EVX2: variants seen among roughly 807,000 people sequenced by gnomAD.
The protein encoded by EVX2 is even-skipped homeobox 2, also known as homeobox even-skipped homolog protein 2.
EVX2 carries 10 observed loss-of-function variants against 19.2 expected under a neutral mutation model. The observed-to-expected ratio is 0.52, with a 90% CI of 0.32 to 0.89. The LOEUF (loss-of-function observed/expected upper bound fraction) is 0.89, where lower values mean the gene tolerates loss of function less well. EVX2 is among the 40% of genes least tolerant of loss of function. EVX2 has a pLI of 0.03. For missense variants in EVX2, 710 were observed against 694.9 expected (o/e 1.02, Z -0.24); for synonymous variants, 354 against 328.4 (o/e 1.08, Z -0.84).
At position 176,079,407 on chromosome 2, in the gene EVX2, G is replaced by C. The variant is rs377458816; in HGVS notation, c.*700C>G. 6.6e-6 allele frequency: 1 copy of C among 152,224 alleles called. No homozygotes were observed. The highest frequency in any genetic ancestry group is 2.1e-4 in the South Asian group (1 of 4,832). 9.4% of individuals were successfully genotyped at this position (152,224 alleles called of 1,614,324 possible). On this transcript the variant is annotated 3_prime_UTR_variant, in exon 3 of 3. Transcript: ENST00000308618. This position sits in a 1 kb window ranked among gnomAD's most constrained non-coding sequence, Gnocchi z 4.4. ...CCACCCCTTCCAGCACCTCGGCTTT[G>C]TCCTTCCCGGGGAAGGCGGCCACAT... is the stretch of plus-strand genomic sequence containing the variant.
chr2:176,080,377 GC>G lies in EVX2; in HGVS notation c.1160del (p.Cys387SerfsTer77). ...GAPPSGGSAP[C>X]SCLSCHSSQS... ...GACTGCTGTGGCAACTGAGGCACGA[GC>G]AGGGTGCAGAGCCGCCGCTGGGGGG... On this transcript the variant is annotated frameshift_variant, in exon 3 of 3. Transcript: ENST00000308618. LOFTEE classifies it high-confidence loss of function. This position sits in a 1 kb window ranked among gnomAD's most constrained non-coding sequence, Gnocchi z 7.0. 1 of 1,211,958 alleles carries G rather than the reference GC, an allele frequency of 8.3e-7. No individual in the cohort carries two copies. The highest frequency in any genetic ancestry group is 1.6e-5 in the African/African-American group (1 of 61,566). 75.1% of individuals were successfully genotyped at this position (1,211,958 alleles called of 1,614,324 possible). A position where few individuals can be genotyped will look rare whatever the true frequency, so the allele number is the denominator to read the frequency against.
chr2:176,083,904 G>A lies in EVX2; in HGVS notation c.-128C>T. 1 of 842,736 alleles carries A rather than the reference G, an allele frequency of 1.2e-6. No homozygotes were observed. The highest frequency in any genetic ancestry group is 1.8e-6 in the Non-Finnish European group (1 of 548,994). 52.2% of individuals were successfully genotyped at this position (842,736 alleles called of 1,614,324 possible). Reference sequence around the variant, plus strand: ...ATTATTATCGCTTTCGGAGGGAGGCGGAAAAATTGTGGGATGCCAGAGCGA... The same window carrying A: ...ATTATTATCGCTTTCGGAGGGAGGCAGAAAAATTGTGGGATGCCAGAGCGA... On this transcript the variant is annotated 5_prime_UTR_variant, in exon 1 of 3. Transcript: ENST00000308618. The surrounding 1 kb of genome is among the most constrained non-coding windows in gnomAD (Gnocchi z 4.4).
chr2:176,082,508 G>A lies in EVX2; in HGVS notation c.428-59C>T, dbSNP rs1689163976. 23 of 1,487,238 alleles carry A rather than the reference G, an allele frequency of 1.5e-5. No individual in the cohort carries two copies. The South Asian group carries it at 3.2e-4, about 20-fold the overall frequency. 92.1% of individuals were successfully genotyped at this position (1,487,238 alleles called of 1,614,324 possible). A position where few individuals can be genotyped will look rare whatever the true frequency, so the allele number is the denominator to read the frequency against. On this transcript the variant is annotated intron_variant, in intron 1 of 2. Transcript: ENST00000308618. This position sits in a 1 kb window ranked among gnomAD's most constrained non-coding sequence, Gnocchi z 5.2. ...CTGTAGGACCAACAGCCCGGCGCTG[G>A]CGCTGCGCGCGGATCGGGGAAGCCC...
In EVX2 at chr2:176,077,903, T is replaced by C. The variant is rs1484419532; in HGVS notation, c.*2204A>G. On this transcript the variant is annotated 3_prime_UTR_variant, in exon 3 of 3. Coordinates refer to ENST00000308618, the MANE Select transcript of EVX2 (RefSeq NM_001080458.2). ...TAAACTCAGTGAATAAGAGCTGGTA[T>C]AATCAATATTTTACATAAGTAGTCT... 1 of 152,140 alleles carries C rather than the reference T, an allele frequency of 6.6e-6. No homozygotes were observed. The highest frequency in any genetic ancestry group is 1.5e-5 in the Non-Finnish European group (1 of 67,996). 9.4% of individuals were successfully genotyped at this position (152,140 alleles called of 1,614,324 possible).
In EVX2 at chr2:176,080,765, G is replaced by C. The variant is rs1170218932; in HGVS notation, c.773C>G (p.Pro258Arg). ...LAMSWPHPADPSFYTYMMTHA... is the reference protein window; with the variant it reads ...LAMSWPHPADRSFYTYMMTHA... The stretch of plus-strand genomic sequence containing the variant: ...CGTCATCATGTAGGTGTAGAAGCTG[G>C]GGTCGGCTGGGTGCGGCCAGGACAT... The change falls in exon 3 of 3, where the codon CCC (proline) becomes CGC (arginine). Residue 258 changes from proline (P) to arginine (R), a missense_variant. Pro to Arg is a moderately radical substitution (Grantham distance 103). Transcript: ENST00000308618. This position sits in a 1 kb window ranked among gnomAD's most constrained non-coding sequence, Gnocchi z 7.0. 1.2e-6 allele frequency: 2 copies of C among 1,611,478 alleles called. No individual in the cohort carries two copies. The highest frequency in any genetic ancestry group is 1.3e-5 in the African/African-American group (1 of 74,844).
chr2:176,080,804 C>T lies in EVX2; in HGVS notation c.734G>A (p.Arg245Gln). The change falls in exon 3 of 3, where the codon CGG becomes CAG. Residue 245 changes from arginine to glutamine, a missense_variant. Arg to Gln is a conservative substitution (Grantham distance 43). Coordinates refer to ENST00000308618, the MANE Select transcript of EVX2 (RefSeq NM_001080458.2). The surrounding 1 kb of genome is among the most constrained non-coding windows in gnomAD (Gnocchi z 7.0). ...WFQNRRMKDK[R>Q]QRLAMSWPHP... is the part of the protein sequence containing the mutation. ...CGGCCAGGACATGGCCAGGCGCTGC[C>T]GCTTGTCCTTCATGCGCCGGTTCTG... The T allele has an allele frequency of 6.2e-7, 1 of 1,612,328 alleles. No homozygotes were observed. Among genetic ancestry groups the T allele is most frequent in the Non-Finnish European group, 8.5e-7 (1 of 1,179,694 alleles).
Position 176,080,940 on chromosome 2 carries a change from C to A in EVX2, c.700-102G>T. The A allele has an allele frequency of 2.1e-6, 3 of 1,402,784 alleles. No individual in the cohort carries two copies. The highest frequency in any genetic ancestry group is 2.8e-6 in the Non-Finnish European group (3 of 1,060,914). The allele number at this position is 1,402,784 out of a possible 1,614,324, so 86.9% of individuals were successfully genotyped here. A position where few individuals can be genotyped will look rare whatever the true frequency, so the allele number is the denominator to read the frequency against. On this transcript the variant is annotated intron_variant, in intron 2 of 2. Transcript: ENST00000308618. This position sits in a 1 kb window ranked among gnomAD's most constrained non-coding sequence, Gnocchi z 7.0. The stretch of plus-strand genomic sequence containing the variant: ...CTTCCGGACCTCTGAATGGCTTGGT[C>A]TACTTCTCTCCGACCAAGCCCAACC...
At position 176,081,980 on chromosome 2, in the gene EVX2, C is replaced by T. The variant is rs535583340; in HGVS notation, c.699+198G>A. On this transcript the variant is annotated intron_variant, in intron 2 of 2. Coordinates refer to ENST00000308618, the MANE Select transcript of EVX2 (RefSeq NM_001080458.2). This position sits in a 1 kb window ranked among gnomAD's most constrained non-coding sequence, Gnocchi z 5.9. Reference sequence around the variant, plus strand: ...ATTGGAGTCACCATTCGGGGGCCTTCTTAGATCCGTCAGGCCGGACAACCG... The same window carrying T: ...ATTGGAGTCACCATTCGGGGGCCTTTTTAGATCCGTCAGGCCGGACAACCG... Among the ~76,000 whole-genome samples the T allele has an allele frequency of 2.0e-5, 3 of 152,310 alleles. No individual in the cohort carries two copies. The highest frequency in any genetic ancestry group is 7.2e-5 in the African/African-American group (3 of 41,572).
In EVX2 at chr2:176,082,431, G is replaced by A. The variant is rs1285501467; in HGVS notation, c.446C>T (p.Ser149Leu). The A allele has an allele frequency of 3.2e-6, 5 of 1,573,296 alleles. No homozygotes were observed. The highest frequency in any genetic ancestry group is 4.3e-6 in the Non-Finnish European group (5 of 1,162,536). ...CGCCGACGTCGTGGTGCCGGCAGCCGAGCCGCTCTCTGCGTACCCTGGCAA... is the reference window on the plus strand; with the variant it reads ...CGCCGACGTCGTGGTGCCGGCAGCCAAGCCGCTCTCTGCGTACCCTGGCAA... The part of the protein sequence containing the change: ...NNGKGYAESG[S>L]AAGTTTSASG... The change falls in exon 2 of 3, where the codon TCG becomes TTG. Residue 149 changes from serine to leucine, a missense_variant. Ser to Leu is a moderately radical substitution (Grantham distance 145). Transcript: ENST00000308618. This position sits in a 1 kb window ranked among gnomAD's most constrained non-coding sequence, Gnocchi z 5.2.
chr2:176,080,398 G>T lies in EVX2; in HGVS notation c.1140C>A (p.Pro380=), dbSNP rs1170860279. 1.6e-5 allele frequency: 18 copies of T among 1,091,800 alleles called. No individual in the cohort carries two copies. In the African/African-American group the frequency reaches 2.9e-4, roughly 18 times the overall value. 67.6% of individuals were successfully genotyped at this position (1,091,800 alleles called of 1,614,324 possible). ...ASSAAAAGAP[P]SGGSAPCSCL... ...ACGAGCAGGGTGCAGAGCCGCCGCT[G>T]GGGGGCGCGCCGGCCGCCGCCGCCG... is the stretch of plus-strand genomic sequence containing the variant. Residue 380 remains proline (P), a synonymous_variant, in exon 3 of 3, where the codon CCC becomes CCA. Transcript: ENST00000308618. This position sits in a 1 kb window ranked among gnomAD's most constrained non-coding sequence, Gnocchi z 7.0.
chr2:176,083,393 G>A lies in EVX2; in HGVS notation c.384C>T (p.Pro128=). The change falls in exon 1 of 3, where the codon CCC becomes CCT. Residue 128 remains proline (P), a synonymous_variant. Coordinates refer to ENST00000308618, the MANE Select transcript of EVX2 (RefSeq NM_001080458.2). This position sits in a 1 kb window ranked among gnomAD's most constrained non-coding sequence, Gnocchi z 4.4. ...TAAGCTGAGCGGCGCCGAGGCCCCC[G>A]GGGGAGCGAAGCGCGGAGCAGCCCA... ...VEVGCSALRS[P]GGLGAAQLKE... The A allele has an allele frequency of 1.2e-6, 2 of 1,611,480 alleles. No homozygotes were observed. Among genetic ancestry groups the A allele is most frequent in the Non-Finnish European group, 1.7e-6 (2 of 1,178,724 alleles).
chr2:176,082,302 C>A lies in EVX2; in HGVS notation c.575G>T (p.Arg192Leu). 6.3e-7 allele frequency: 1 copy of A among 1,599,380 alleles called. No individual in the cohort carries two copies. ...GSGADQVRRY[R>L]TAFTREQIAR... ...GATCTGCTCGCGGGTGAACGCCGTACGGTAGCGCCGCACTTGATCCGCGCC... is the reference window on the plus strand; with the variant it reads ...GATCTGCTCGCGGGTGAACGCCGTAAGGTAGCGCCGCACTTGATCCGCGCC... The change falls in exon 2 of 3, where the codon CGT becomes CTT. Residue 192 changes from arginine to leucine, a missense_variant. Transcript: ENST00000308618. The surrounding 1 kb of genome is among the most constrained non-coding windows in gnomAD (Gnocchi z 5.2).
At position 176,080,263 on chromosome 2, in the gene EVX2, G is replaced by GCCGCCGCCACCACCA; in HGVS notation, c.1260_1274dup (p.Gly424_Gly428dup). 7.6e-7 allele frequency: 1 copy of GCCGCCGCCACCACCA among 1,313,384 alleles called. No homozygotes were observed. The highest frequency in any genetic ancestry group is 9.7e-7 in the Non-Finnish European group (1 of 1,033,152). The allele number at this position is 1,313,384 out of a possible 1,614,324, so 81.4% of individuals were successfully genotyped here. ...CTCCCCCGGCCCCGGCGCCCCCGCC[G>GCCGCCGCCACCACCA]CCGCCGCCACCACCACCACCGCCGC... On this transcript the variant is annotated inframe_insertion, in exon 3 of 3. Transcript: ENST00000308618. This position sits in a 1 kb window ranked among gnomAD's most constrained non-coding sequence, Gnocchi z 7.0.
Position 176,080,980 on chromosome 2 carries a change from G to A in EVX2, c.700-142C>T. On this transcript the variant is annotated intron_variant, in intron 2 of 2. Coordinates refer to ENST00000308618, the MANE Select transcript of EVX2 (RefSeq NM_001080458.2). The surrounding 1 kb of genome is among the most constrained non-coding windows in gnomAD (Gnocchi z 7.0). ...CAAGCCCAACCCCGAGTACCCTGTG[G>A]TCTCCCAGCTGGGAAAGTGTGGACG... The A allele has an allele frequency of 8.8e-7, 1 of 1,131,016 alleles. No individual in the cohort carries two copies. The highest frequency in any genetic ancestry group is 1.2e-6 in the Non-Finnish European group (1 of 826,492). 70.1% of individuals were successfully genotyped at this position (1,131,016 alleles called of 1,614,324 possible).
chr2:176,082,535 G>A lies in EVX2; in HGVS notation c.428-86C>T, dbSNP rs923716357. The A allele has an allele frequency of 2.1e-6, 3 of 1,448,912 alleles. No individual in the cohort carries two copies. Among genetic ancestry groups the A allele is most frequent in the Non-Finnish European group, 2.7e-6 (3 of 1,095,810 alleles). 89.8% of individuals were successfully genotyped at this position (1,448,912 alleles called of 1,614,324 possible). A position where few individuals can be genotyped will look rare whatever the true frequency, so the allele number is the denominator to read the frequency against. The stretch of plus-strand genomic sequence containing the variant: ...GCTGCGCGCGGATCGGGGAAGCCCC[G>A]TCAGGAAGGAGAGTCGCTGCCGGAA... On this transcript the variant is annotated intron_variant, in intron 1 of 2. Coordinates refer to ENST00000308618, the MANE Select transcript of EVX2 (RefSeq NM_001080458.2). This position sits in a 1 kb window ranked among gnomAD's most constrained non-coding sequence, Gnocchi z 5.2.
rs777999557 is a variant in EVX2 at position 176,082,352 on chromosome 2, G to T, written c.525C>A (p.Ser175Arg). Residue 175 changes from serine (S) to arginine (R), a missense_variant, in exon 2 of 3, where the codon AGC becomes AGA. Ser to Arg is a moderately radical substitution (Grantham distance 110). Transcript: ENST00000308618. The surrounding 1 kb of genome is among the most constrained non-coding windows in gnomAD (Gnocchi z 5.2). The part of the protein sequence containing the change: ...LHGGSGGSGG[S>R]AALGGSGSGA... ...CAGAGCCGGAGCCACCCAGCGCCGCGCTCCCGCCGCTGCCTCCGCTGCCTC... is the reference window on the plus strand; with the variant it reads ...CAGAGCCGGAGCCACCCAGCGCCGCTCTCCCGCCGCTGCCTCCGCTGCCTC... The T allele has an allele frequency of 6.9e-6, 11 of 1,596,284 alleles. No individual in the cohort carries two copies. Among genetic ancestry groups the T allele is most frequent in the Middle Eastern group, 1.8e-4 (1 of 5,612 alleles).
Position 176,080,520 on chromosome 2 carries a change from G to A in EVX2, c.1018C>T (p.His340Tyr). The A allele has an allele frequency of 1.4e-6, 2 of 1,479,214 alleles. No homozygotes were observed. The highest frequency in any genetic ancestry group is 2.6e-5 in the Admixed American group (1 of 39,172). 91.6% of individuals were successfully genotyped at this position (1,479,214 alleles called of 1,614,324 possible). ...SRPELLCSFR[H>Y]PGLYQAPAAA... ...GCGGGAGCCTGGTAGAGACCAGGGT[G>A]GCGGAAGCTACACAGCAGCTCCGGC... is the stretch of plus-strand genomic sequence containing the variant. Residue 340 changes from histidine (H) to tyrosine (Y), a missense_variant, in exon 3 of 3, where the codon CAC (histidine) becomes TAC (tyrosine). By Grantham distance (83) the His-to-Tyr change is moderately conservative. Coordinates refer to ENST00000308618, the MANE Select transcript of EVX2 (RefSeq NM_001080458.2). The surrounding 1 kb of genome is among the most constrained non-coding windows in gnomAD (Gnocchi z 7.0).
At position 176,083,856 on chromosome 2, in the gene EVX2, A is replaced by G; in HGVS notation, c.-80T>C. 1 of 1,270,552 alleles carries G rather than the reference A, an allele frequency of 7.9e-7. No individual in the cohort carries two copies. The highest frequency in any genetic ancestry group is 1.1e-6 in the Non-Finnish European group (1 of 914,552). 78.7% of individuals were successfully genotyped at this position (1,270,552 alleles called of 1,614,324 possible). On this transcript the variant is annotated 5_prime_UTR_variant, in exon 1 of 3. The change abolishes the stop of an existing upstream ORF in the 5' untranslated region. Transcript: ENST00000308618. The surrounding 1 kb of genome is among the most constrained non-coding windows in gnomAD (Gnocchi z 4.4). ...CTGCGCCTAGGGCTAATTCTCATTC[A>G]GCCCCAGCGAACGCCTCTAAATATT...
rs1222469173 is a variant in EVX2, at chr2:176,082,916, A to T, written c.427+434T>A. ...TTCAACTCTTTCTCCCGCTGACCTAAACAGAGACGCCGGCGAGGCTTCCTC... is the reference window on the plus strand; with the variant it reads ...TTCAACTCTTTCTCCCGCTGACCTATACAGAGACGCCGGCGAGGCTTCCTC... On this transcript the variant is annotated intron_variant, in intron 1 of 2. Coordinates refer to ENST00000308618, the MANE Select transcript of EVX2 (RefSeq NM_001080458.2). This position sits in a 1 kb window ranked among gnomAD's most constrained non-coding sequence, Gnocchi z 5.2. 6.6e-6 allele frequency among the ~76,000 whole-genome samples: 1 copy of T among 152,200 alleles called. No homozygotes were observed.
Sources: gnomAD v4.1 joint callset for allele counts (sites outside exome capture counted in the v4.1 genomes callset) on GRCh38, gnomAD v4.1.1 for gene constraint, Gnocchi (gnomAD v3.1) non-coding constraint, MANE v1.5 for transcripts, NCBI Gene and HGNC (gene_info 2026-07-23, HGNC 2026-07-21) for gene names.